The following TMOD1 variants were observed in gnomAD, a reference collection of about 807,000 sequenced individuals.
The protein encoded by TMOD1 is tropomodulin 1, also known as tropomodulin-1.
TMOD1 carries 17 observed loss-of-function variants against 40.6 expected under a neutral mutation model. That is an observed-to-expected ratio of 0.42 (90% confidence interval 0.29 to 0.63). The LOEUF is 0.63. TMOD1 is among the 20% of genes least tolerant of loss of function. The probability of loss-of-function intolerance (pLI) is 0.22; values close to 1 mark genes in which losing one functional copy is unlikely to be tolerated. For synonymous variants in TMOD1, 181 were observed against 175.0 expected (o/e 1.03, Z -0.27); for missense variants, 391 against 447.6 (o/e 0.87, Z 1.14).
Position 97,568,937 on chromosome 9 carries a change from T to A in TMOD1, c.770T>A (p.Leu257Gln). 6.2e-7 allele frequency: 1 copy of A among 1,614,198 alleles called. No homozygotes were observed. The highest frequency in any genetic ancestry group is 8.5e-7 in the Non-Finnish European group (1 of 1,180,026). Residue 257 changes from leucine (L) to glutamine (Q), a missense_variant, in exon 8 of 10, where the codon CTG (leucine) becomes CAG (glutamine). By Grantham distance (113) the Leu-to-Gln change is moderately radical (BLOSUM62 -2). Transcript: ENST00000259365. ...AAGGAGAACAAGGTGTTGAAGACACTGAATGTGGAATCCAACTTCATTTCT... is the reference window on the plus strand; with the variant it reads ...AAGGAGAACAAGGTGTTGAAGACACAGAATGTGGAATCCAACTTCATTTCT... ...MLKENKVLKT[L>Q]NVESNFISGA... is the part of the protein sequence containing the mutation.
intron 9 of TMOD1, among the ~76,000 whole-genome samples, chr9:97,592,791 T>C (rs1381397916): frequency 2.6e-5 from 4 of 152,206 alleles, no homozygotes; most frequent in African/African-American, 9.7e-5. Flanking sequence ...ACCAAAATTC[T>C]ATAGGTTCCT....
At chr9:97,541,965 A>T (rs1202935633) in intron 2 of TMOD1, among the ~76,000 whole-genome samples, 1 of 152,224 alleles carries the variant, frequency 6.6e-6, no homozygotes, top group Non-Finnish European at 1.5e-5. Context: ...TCGCAGCACA[A>T]ATGTTTTTAA....
rs1829730252 is a variant in TMOD1, at chr9:97,513,020, A to G, written c.-48-11121A>G. 6.6e-6 allele frequency: 1 copy of G among 152,152 alleles called. No individual in the cohort carries two copies. Among genetic ancestry groups the G allele is most frequent in the Non-Finnish European group, 1.5e-5 (1 of 68,010 alleles). The allele number at this position is 152,152 out of a possible 1,614,324, so 9.4% of individuals were successfully genotyped here. On this transcript the variant is annotated intron_variant, in intron 1 of 9. Transcript: ENST00000259365. This position sits in a 1 kb window ranked among gnomAD's most constrained non-coding sequence, Gnocchi z 4.1. ...GCCCAGAGTTGAGCTCCAGCATAAAACCAAGCAAGACTGTCATTGCCCTTA... is the reference window on the plus strand; with the variant it reads ...GCCCAGAGTTGAGCTCCAGCATAAAGCCAAGCAAGACTGTCATTGCCCTTA...
chr9:97,555,172 A>G (rs1486649097), intron 4 of TMOD1, among the ~76,000 whole-genome samples: 1 of 152,240 alleles, frequency 6.6e-6, no homozygotes, highest in Non-Finnish European at 1.5e-5. Context: ...TTATTCTGTC[A>G]GAAGCCACAC....
chr9:97,508,056 TTCACACACACACACACACA>T (rs1209014312), intron 1 of TMOD1, among the ~76,000 whole-genome samples: 2 of 96,066 alleles, frequency 2.1e-5, no homozygotes, highest in Non-Finnish European at 4.1e-5. Context: ...ATCTTCCTGA[TTCACACACACACACACACA>T]CACACACACA....
At chr9:97,526,529 T>C (rs1250855874) in intron 2 of TMOD1, among the ~76,000 whole-genome samples, 1 of 152,176 alleles carries the variant, frequency 6.6e-6, no homozygotes, top group African/African-American at 2.4e-5. Context: ...TGAGTAAATG[T>C]TCCATGTTAT....
chr9:97,553,212 G>A, intron 3 of TMOD1, 69 bp from the exon 4 acceptor site: 2 of 1,606,494 alleles, frequency 1.2e-6, no homozygotes, highest in Non-Finnish European at 1.7e-6. Flanking sequence ...GGTCCACGCA[G>A]GGCTGTGGGT....
In TMOD1 at chr9:97,568,951, A is replaced by C; in HGVS notation, c.784A>C (p.Asn262His). Reference sequence around the variant, plus strand: ...GTTGAAGACACTGAATGTGGAATCCAACTTCATTTCTGGAGCTGGGATTCT... The same window carrying C: ...GTTGAAGACACTGAATGTGGAATCCCACTTCATTTCTGGAGCTGGGATTCT... ...KVLKTLNVES[N>H]FISGAGILRL... Residue 262 changes from asparagine (N) to histidine (H), a missense_variant, in exon 8 of 10, where the codon AAC becomes CAC. Physicochemically the swap from Asn to His is moderately conservative, Grantham distance 68 (BLOSUM62 1). Transcript: ENST00000259365. The C allele has an allele frequency of 6.2e-7, 1 of 1,614,192 alleles. No individual in the cohort carries two copies. The highest frequency in any genetic ancestry group is 8.5e-7 in the Non-Finnish European group (1 of 1,180,024).
intron 1 of TMOD1, among the ~76,000 whole-genome samples, chr9:97,506,901 G>A (rs554680010): frequency 1.4e-4 from 21 of 152,340 alleles, no homozygotes; most frequent in African/African-American, 4.6e-4. Flanking sequence ...TTGAGAGTCT[G>A]AGTTTCTAAA....
rs7852652 is a variant in TMOD1, at chr9:97,565,986, G to T, written c.726+31G>T. ...TACCTTTCTGTTCTGTTGCATTGTG[G>T]CTGGGGGCCTTGAAACAGAAGGGTT... is the stretch of plus-strand genomic sequence containing the variant. On this transcript the variant is annotated intron_variant, in intron 7 of 9. Transcript: ENST00000259365. The T allele has an allele frequency of 2.2e-3, 3,482 of 1,589,904 alleles. 60 individuals are homozygous for T. In the African/African-American group the frequency reaches 0.041, roughly 19 times the overall value.
chr9:97,571,441 T>C (rs1177446835), intron 8 of TMOD1, among the ~76,000 whole-genome samples: 1 of 152,212 alleles, frequency 6.6e-6, no homozygotes, highest in African/African-American at 2.4e-5. Flanking sequence ...CCTAAGGAGA[T>C]AACAGATGTA....
intron 3 of TMOD1, among the ~76,000 whole-genome samples, chr9:97,551,185 G>A (rs936504908): frequency 1.3e-5 from 2 of 151,544 alleles, no homozygotes; most frequent in Non-Finnish European, 2.9e-5. Flanking sequence ...CATCACGCCC[G>A]GCTAATTTTT....
upstream of TMOD1, among the ~76,000 whole-genome samples, chr9:97,501,477 T>C (rs1829498077): frequency 6.6e-6 from 1 of 150,750 alleles, no homozygotes; most frequent in African/African-American, 2.4e-5. Context: ...GCAGCCCGAC[T>C]CCCCTGCGCT....
intron 9 of TMOD1, among the ~76,000 whole-genome samples, chr9:97,597,039 A>C (rs909280082): frequency 1.3e-5 from 2 of 152,260 alleles, no homozygotes; most frequent in Admixed American, 1.3e-4. Flanking sequence ...ATTTAAATGA[A>C]TAGAAAGTGC....
intron 3 of TMOD1, 33 bp from the exon 4 acceptor site, chr9:97,553,248 C>T: frequency 6.2e-7 from 1 of 1,612,648 alleles, no homozygotes; most frequent in Middle Eastern, 1.9e-4. Flanking sequence ...CCATTGCAGC[C>T]ACTCCCGTAA....
At chr9:97,563,904 C>T in intron 5 of TMOD1, 134 bp from the exon 6 acceptor site, 1 of 1,191,438 alleles carries the variant, frequency 8.4e-7, no homozygotes, top group Non-Finnish European at 1.2e-6. Flanking sequence ...GCCCCCTACC[C>T]CCACCCAGCC....
chr9:97,592,002 G>T (rs1163260564), intron 9 of TMOD1, among the ~76,000 whole-genome samples: 1 of 151,742 alleles, frequency 6.6e-6, no homozygotes, highest in African/African-American at 2.4e-5. Context: ...TATTATGAAG[G>T]AGACATTATC....
chr9:97,518,345 G>C (rs1369666305), intron 1 of TMOD1, among the ~76,000 whole-genome samples: 4 of 152,226 alleles, frequency 2.6e-5, no homozygotes, highest in African/African-American at 9.7e-5. Flanking sequence ...GAGCAGCTGG[G>C]AACAGATTCG....
chr9:97,571,997 G>T (rs1318641906), intron 8 of TMOD1, among the ~76,000 whole-genome samples: 1 of 152,168 alleles, frequency 6.6e-6, no homozygotes, highest in African/African-American at 2.4e-5. Context: ...TGGGAGGAAA[G>T]ATGGTTGCAG....
Sources: allele counts gnomAD v4.1 joint callset (sites outside exome capture counted in the v4.1 genomes callset), GRCh38; gene constraint gnomAD v4.1.1; non-coding constraint Gnocchi (gnomAD v3.1); transcripts MANE v1.5; gene names NCBI Gene and HGNC (gene_info 2026-07-23, HGNC 2026-07-21).